ERC2: variants seen among roughly 807,000 people sequenced by gnomAD.
ERC2 encodes the protein ERC protein 2.
ERC2 carries 42 observed loss-of-function variants against 114.8 expected under a neutral mutation model. The observed-to-expected ratio is 0.37, with a 90% CI of 0.29 to 0.47. The LOEUF (loss-of-function observed/expected upper bound fraction) is 0.47, where lower values mean the gene tolerates loss of function less well. ERC2 is among the 20% of genes least tolerant of loss of function. The probability of loss-of-function intolerance (pLI) is 0.99; values close to 1 mark genes in which losing one functional copy is unlikely to be tolerated. For synonymous variants in ERC2, 454 were observed against 425.5 expected, an observed-to-expected ratio of 1.07 and a Z score of -0.82; for missense variants, 939 against 1,150.7, an observed-to-expected ratio of 0.82 and a Z score of 2.66.
intron 14 of ERC2, among the ~76,000 whole-genome samples, chr3:55,862,180 G>A (rs536960534): frequency 6.6e-6 from 1 of 152,110 alleles, no homozygotes; most frequent in African/African-American, 2.4e-5. Context: ...ATGTATGTGT[G>A]TGTGTGTATA....
intron 6 of ERC2, among the ~76,000 whole-genome samples, chr3:56,097,188 C>T (rs1309491008): frequency 6.6e-6 from 1 of 152,166 alleles, no homozygotes; most frequent in Non-Finnish European, 1.5e-5. Context: ...GTTACAGCCT[C>T]TTCCAACTTG....
chr3:56,447,990 G>A (rs762259760), intron 1 of ERC2, among the ~76,000 whole-genome samples: 5 of 152,004 alleles, frequency 3.3e-5, no homozygotes, highest in African/African-American at 9.7e-5. Context: ...TGATCCACCC[G>A]CCTCGGCCTC....
At chr3:55,806,011 C>T (rs1313879155) in intron 14 of ERC2, among the ~76,000 whole-genome samples, 2 of 152,014 alleles carry the variant, frequency 1.3e-5, no homozygotes, top group Admixed American at 1.3e-4. Flanking sequence ...CAATAGAGTG[C>T]TGAGGAAGGA....
At chr3:56,138,206 C>T (rs1441432078) in intron 6 of ERC2, among the ~76,000 whole-genome samples, 1 of 151,826 alleles carries the variant, frequency 6.6e-6, no homozygotes, top group East Asian at 1.9e-4. Context: ...ACTACAGGCA[C>T]CCGCCACCAC....
chr3:56,384,543 G>A (rs2059866125), intron 2 of ERC2, among the ~76,000 whole-genome samples: 1 of 151,808 alleles, frequency 6.6e-6, no homozygotes, highest in Non-Finnish European at 1.5e-5. Flanking sequence ...TTTTCCATCA[G>A]GTTGTTTGGT....
At chr3:56,380,621 C>T (rs55952137) in intron 2 of ERC2, among the ~76,000 whole-genome samples, 43,253 of 152,034 alleles carry the variant, frequency 0.28, 6,348 homozygotes, top group Non-Finnish European at 0.32. Context: ...TTATGGAGAA[C>T]GAGTCCTCAA....
At chr3:55,689,563 T>G (rs933355956) in intron 16 of ERC2, among the ~76,000 whole-genome samples, 5 of 152,206 alleles carry the variant, frequency 3.3e-5, no homozygotes, top group African/African-American at 4.8e-5. Flanking sequence ...AACACTTGGC[T>G]TTGTTAAACA....
intron 9 of ERC2, 113 bp downstream of exon 9, chr3:56,010,336 A>T (rs1272265310): frequency 7.7e-7 from 1 of 1,296,624 alleles, no homozygotes; most frequent in Non-Finnish European, 1.0e-6. Flanking sequence ...AGGTTACTAC[A>T]TTCCCCAAGC....
intron 17 of ERC2, among the ~76,000 whole-genome samples, chr3:55,627,556 G>C (rs1007849942): frequency 3.3e-5 from 5 of 152,144 alleles, no homozygotes; most frequent in Non-Finnish European, 7.4e-5. Flanking sequence ...GATCAGATTG[G>C]CCATATGGGT....
At chr3:56,078,675 A>G (rs1576835779) in intron 7 of ERC2, among the ~76,000 whole-genome samples, 2 of 152,084 alleles carry the variant, frequency 1.3e-5, no homozygotes, top group African/African-American at 4.8e-5. Context: ...ACCTTGGCCA[A>G]TCAAATGCTC....
chr3:56,230,699 C>T (rs1007496813), intron 3 of ERC2, among the ~76,000 whole-genome samples: 4 of 152,038 alleles, frequency 2.6e-5, no homozygotes, highest in African/African-American at 4.8e-5. Context: ...GAAAACATTG[C>T]CTTCTTAATA....
intron 14 of ERC2, among the ~76,000 whole-genome samples, chr3:55,756,825 CAAAG>C (rs1208860730): frequency 6.6e-6 from 1 of 151,866 alleles, no homozygotes; most frequent in Non-Finnish European, 1.5e-5. Flanking sequence ...GTACCCAAGA[CAAAG>C]AAAACCACCT....
chr3:55,776,140 TTTGTTG>T lies in ERC2; in HGVS notation c.2565-41228_2565-41223del, dbSNP rs553669928. ...TCTTTTCTGGCTCTTTAGAATGTTA[TTTGTTG>T]TTGTTGTTGTTGTTGTTGAAAGTTT... On this transcript the variant is annotated intron_variant, in intron 14 of 17. Coordinates refer to ENST00000288221, the MANE Select transcript of ERC2 (RefSeq NM_015576.3). 1.5e-4 allele frequency among the ~76,000 whole-genome samples: 23 copies of T among 151,784 alleles called. No individual in the cohort carries two copies. The South Asian group carries it at 4.6e-3, about 30-fold the overall frequency.
At chr3:55,849,628 A>T (rs2061493890) in intron 14 of ERC2, among the ~76,000 whole-genome samples, 1 of 152,216 alleles carries the variant, frequency 6.6e-6, no homozygotes, top group Non-Finnish European at 1.5e-5. Flanking sequence ...ATATCAACAA[A>T]TGCCCATGCC....
intron 4 of ERC2, among the ~76,000 whole-genome samples, chr3:56,171,048 G>A (rs2150017777): frequency 6.6e-6 from 1 of 152,236 alleles, no homozygotes; most frequent in South Asian, 2.1e-4. Context: ...ACAGGCTTGA[G>A]CCAATGCACC....
chr3:56,369,184 G>T (rs1213798626), intron 2 of ERC2, among the ~76,000 whole-genome samples: 1 of 152,078 alleles, frequency 6.6e-6, no homozygotes, highest in Non-Finnish European at 1.5e-5. Flanking sequence ...CACTCATAAT[G>T]GAACTTTTTC....
intron 2 of ERC2, among the ~76,000 whole-genome samples, chr3:56,389,146 G>A (rs532495683): frequency 6.6e-5 from 10 of 152,232 alleles, no homozygotes; most frequent in Admixed American, 2.6e-4. Flanking sequence ...AAAAATATAA[G>A]CCAGTTAAGC....
intron 13 of ERC2, among the ~76,000 whole-genome samples, chr3:55,922,308 T>C (rs773196285): frequency 1.3e-5 from 2 of 151,932 alleles, no homozygotes; most frequent in Non-Finnish European, 2.9e-5. Context: ...AGATAGTAAT[T>C]ATGGTGAGAT....
chr3:55,837,361 C>A (rs1259377159), intron 14 of ERC2, among the ~76,000 whole-genome samples: 1 of 152,072 alleles, frequency 6.6e-6, no homozygotes, highest in East Asian at 1.9e-4. Context: ...ACCCAAATGT[C>A]CAACAATGAT....
Sources: gnomAD v4.1 joint callset for allele counts (sites outside exome capture counted in the v4.1 genomes callset) on GRCh38, gnomAD v4.1.1 for gene constraint, MANE v1.5 for transcripts, NCBI Gene and HGNC (gene_info 2026-07-23, HGNC 2026-07-21) for gene names.